The following SOX5 variants were observed in gnomAD, a reference collection of about 807,000 sequenced individuals.
SOX5 encodes the protein SRY-box transcription factor 5.
Under a neutral mutation model 92.0 loss-of-function variants are expected in SOX5, and 9 were observed. That is an observed-to-expected ratio of 0.10 (90% confidence interval 0.06 to 0.17). SOX5 has a LOEUF of 0.17. Ranked by LOEUF, SOX5 falls within the 10% of genes least tolerant of loss-of-function variation. The pLI is 1.00. For missense variants in SOX5, 642 were observed against 944.5 expected (o/e 0.68, Z 4.20); for synonymous variants, 344 against 336.3 (o/e 1.02, Z -0.25).
At chr12:23,745,306 A>T (rs1007267630) in intron 4 of SOX5, among the ~76,000 whole-genome samples, 2 of 152,158 alleles carry the variant, frequency 1.3e-5, no homozygotes, top group Admixed American at 6.6e-5. Flanking sequence ...TTTTTAAAAT[A>T]GAACTTTTAA....
At chr12:24,355,985 C>A (rs1196317647) in intron 2 of SOX5, among the ~76,000 whole-genome samples, 1 of 152,026 alleles carries the variant, frequency 6.6e-6, no homozygotes, top group Non-Finnish European at 1.5e-5. Context: ...TGGTCAAAAT[C>A]CAGCCCAATT....
intron 3 of SOX5, among the ~76,000 whole-genome samples, chr12:24,261,674 C>G (rs542162978): frequency 2.0e-5 from 3 of 152,322 alleles, no homozygotes; most frequent in Admixed American, 1.3e-4. Context: ...ACTTATGTGT[C>G]GCTACTGCCT....
intron 3 of SOX5, among the ~76,000 whole-genome samples, chr12:23,785,249 T>C (rs1296871898): frequency 2.0e-5 from 3 of 152,176 alleles, no homozygotes; most frequent in Admixed American, 6.5e-5. Context: ...AGAGCTTTTA[T>C]TGAGAATTTA....
intron 6 of SOX5, among the ~76,000 whole-genome samples, chr12:23,728,489 GGTCAGTTAGGTA>G (rs1334180518): frequency 6.6e-6 from 1 of 152,070 alleles, no homozygotes; most frequent in Non-Finnish European, 1.5e-5. Context: ...TACATCAGCA[GGTCAGTTAGGTA>G]CATACTATTA....
intron 11 of SOX5, among the ~76,000 whole-genome samples, chr12:23,554,802 C>T (rs1267555856): frequency 1.3e-5 from 2 of 152,092 alleles, no homozygotes; most frequent in East Asian, 1.9e-4. Flanking sequence ...AGTTTTAAAT[C>T]CATATTGGTA....
chr12:24,545,364 C>T lies in SOX5; in HGVS notation c.-251+16965G>A, dbSNP rs1952523921. 3.9e-5 allele frequency among the ~76,000 whole-genome samples: 6 copies of T among 152,128 alleles called. No individual in the cohort carries two copies. The South Asian group carries it at 1.2e-3, about 32-fold the overall frequency. ...CAACAGGAAGAAGTTAATGTTAATGCTCTCCTCTCTCTTGTTTCACCATTT... is the reference window on the plus strand; with the variant it reads ...CAACAGGAAGAAGTTAATGTTAATGTTCTCCTCTCTCTTGTTTCACCATTT... On this transcript the variant is annotated intron_variant, in intron 1 of 4. Coordinates refer to the SOX5 transcript ENST00000446891.
intron 3 of SOX5, among the ~76,000 whole-genome samples, chr12:24,273,021 T>C (rs942797164): frequency 6.6e-6 from 1 of 152,060 alleles, no homozygotes; most frequent in Admixed American, 6.6e-5. Flanking sequence ...TCACTTGAGG[T>C]CAGGAGTTTG....
Position 24,327,282 on chromosome 12 carries a change from TC to T in SOX5, c.-174+41280del, listed in dbSNP as rs144496701. 7.8e-3 allele frequency among the ~76,000 whole-genome samples: 1,192 copies of T among 152,084 alleles called. 13 individuals carry two copies. The highest frequency in any genetic ancestry group is 0.027 in the African/African-American group (1,133 of 41,490). On this transcript the variant is annotated intron_variant, in intron 2 of 4. Coordinates refer to the SOX5 transcript ENST00000446891. ...TTAAGATTTATCTTGTATTGAGTTA[TC>T]CCAGTGTTTCCTTATTAACAAAGAT...
At chr12:24,242,735 G>A (rs1403963218) in intron 3 of SOX5, among the ~76,000 whole-genome samples, 1 of 152,074 alleles carries the variant, frequency 6.6e-6, no homozygotes, top group African/African-American at 2.4e-5. Context: ...GTGGGTGCAG[G>A]GGGAAGCAGA....
chr12:23,633,475 T>A (rs1291280413), intron 8 of SOX5, among the ~76,000 whole-genome samples: 1 of 152,068 alleles, frequency 6.6e-6, no homozygotes, highest in Non-Finnish European at 1.5e-5. Context: ...TTTTTAATAT[T>A]AAAATGAACA....
At chr12:23,627,615 C>T (rs1471792885) in intron 8 of SOX5, among the ~76,000 whole-genome samples, 1 of 152,038 alleles carries the variant, frequency 6.6e-6, no homozygotes, top group Admixed American at 6.6e-5. Context: ...CCTCACAACA[C>T]CTTTATCATG....
At chr12:23,998,580 G>C (rs1284644549) in intron 4 of SOX5, among the ~76,000 whole-genome samples, 3 of 151,848 alleles carry the variant, frequency 2.0e-5, no homozygotes, top group Non-Finnish European at 2.9e-5. Context: ...TGAGGCTGGT[G>C]GATCACGAGG....
chr12:24,202,239 A>G (rs1957591376), intron 4 of SOX5, among the ~76,000 whole-genome samples: 1 of 152,206 alleles, frequency 6.6e-6, no homozygotes, highest in African/African-American at 2.4e-5. Flanking sequence ...CTTTCTTCCT[A>G]GAGTCTATTG....
chr12:24,036,527 CATT>C (rs1478888960), intron 4 of SOX5, among the ~76,000 whole-genome samples: 2 of 152,156 alleles, frequency 1.3e-5, no homozygotes, highest in East Asian at 3.9e-4. Flanking sequence ...TATATGTGGG[CATT>C]ATATTTTTAT....
intron 9 of SOX5, among the ~76,000 whole-genome samples, chr12:23,579,708 T>C (rs1378241675): frequency 2.6e-5 from 4 of 152,150 alleles, no homozygotes; most frequent in Non-Finnish European, 5.9e-5. Flanking sequence ...TGTAATTTTA[T>C]GTAGGAGAAA....
chr12:23,764,953 C>T (rs986842734), intron 3 of SOX5, among the ~76,000 whole-genome samples: 1 of 151,906 alleles, frequency 6.6e-6, no homozygotes, highest in African/African-American at 2.4e-5. Flanking sequence ...AAGATATGAA[C>T]AATAAAAGCT....
chr12:24,244,811 G>T (rs1938290871), intron 3 of SOX5, among the ~76,000 whole-genome samples: 1 of 152,172 alleles, frequency 6.6e-6, no homozygotes, highest in Non-Finnish European at 1.5e-5. Context: ...TCCTGCCTCA[G>T]CCTCCCAAGT....
At chr12:24,167,696 T>C (rs990516247) in intron 4 of SOX5, among the ~76,000 whole-genome samples, 18 of 152,260 alleles carry the variant, frequency 1.2e-4, no homozygotes, top group African/African-American at 4.3e-4. Context: ...CAGCAACGTA[T>C]TATTCTAAAC....
At chr12:24,163,301 T>C (rs1176996114) in intron 4 of SOX5, among the ~76,000 whole-genome samples, 9 of 152,160 alleles carry the variant, frequency 5.9e-5, no homozygotes, top group Admixed American at 5.9e-4. Flanking sequence ...AGGTCTGTTA[T>C]TTTGAAGTGC....
Sources: allele counts gnomAD v4.1 joint callset (sites outside exome capture counted in the v4.1 genomes callset), GRCh38; gene constraint gnomAD v4.1.1; transcripts MANE v1.5; gene names NCBI Gene and HGNC (gene_info 2026-07-23, HGNC 2026-07-21).